GRID2: variants seen among roughly 807,000 people sequenced by gnomAD.
The protein encoded by GRID2 is glutamate receptor ionotropic, delta-2.
GRID2 carries 33 observed loss-of-function variants against 114.8 expected under a neutral mutation model. The observed-to-expected ratio is 0.29, with a 90% CI of 0.22 to 0.38. The LOEUF (loss-of-function observed/expected upper bound fraction) is 0.38, where lower values mean the gene tolerates loss of function less well. Ranked by LOEUF, GRID2 falls within the 10% of genes least tolerant of loss-of-function variation. The pLI is 1.00. For synonymous variants in GRID2, 505 were observed against 449.9 expected, an observed-to-expected ratio of 1.12 and a Z score of -1.55; for missense variants, 1,184 against 1,257.7, an observed-to-expected ratio of 0.94 and a Z score of 0.89.
chr4:92,407,362 T>G (rs1731080410), intron 1 of GRID2, among the ~76,000 whole-genome samples: 1 of 152,206 alleles, frequency 6.6e-6, no homozygotes, highest in African/African-American at 2.4e-5. Flanking sequence ...TTCCATGTCC[T>G]TGCTATTGTG....
At position 93,125,202 on chromosome 4, in the gene GRID2, A is replaced by C. The variant is rs1485948672; in HGVS notation, c.735+14249A>C. 3.9e-5 allele frequency among the ~76,000 whole-genome samples: 6 copies of C among 151,954 alleles called. No individual in the cohort carries two copies. The East Asian group carries it at 1.2e-3, about 29-fold the overall frequency. On this transcript the variant is annotated intron_variant, in intron 4 of 15. Coordinates refer to ENST00000282020, the MANE Select transcript of GRID2 (RefSeq NM_001510.4). Reference sequence around the variant, plus strand: ...CCTGAAATCATATTTCACTTTTTTCATATGTCTTTTTTAGTAAGCTATCTG... The same window carrying C: ...CCTGAAATCATATTTCACTTTTTTCCTATGTCTTTTTTAGTAAGCTATCTG...
At chr4:93,575,100 T>G (rs564672416) in intron 13 of GRID2, among the ~76,000 whole-genome samples, 1 of 152,284 alleles carries the variant, frequency 6.6e-6, no homozygotes, top group South Asian at 2.1e-4. Flanking sequence ...AACTCAAGTC[T>G]TACCTTGTAT....
chr4:93,468,995 T>G (rs1336172258), intron 11 of GRID2, among the ~76,000 whole-genome samples: 1 of 152,114 alleles, frequency 6.6e-6, no homozygotes, highest in African/African-American at 2.4e-5. Flanking sequence ...AAACTTTAAC[T>G]CCAAGATCTA....
chr4:93,369,465 G>A (rs1368863867), intron 8 of GRID2, among the ~76,000 whole-genome samples: 2 of 152,236 alleles, frequency 1.3e-5, no homozygotes, highest in East Asian at 1.9e-4. Context: ...TACTACAAAA[G>A]CATTTTCTAA....
At chr4:92,313,929 G>C (rs987108982) in intron 1 of GRID2, among the ~76,000 whole-genome samples, 1 of 151,958 alleles carries the variant, frequency 6.6e-6, no homozygotes, top group African/African-American at 2.4e-5. Context: ...TTAAGGGAAG[G>C]ATTTCCTTTT....
chr4:92,805,639 A>C (rs557700451), intron 2 of GRID2, among the ~76,000 whole-genome samples: 1 of 152,080 alleles, frequency 6.6e-6, no homozygotes, highest in Non-Finnish European at 1.5e-5. Flanking sequence ...CGGTGTTTAA[A>C]GGAAGATGAT....
At chr4:93,300,552 T>C (rs1754755277) in intron 8 of GRID2, among the ~76,000 whole-genome samples, 1 of 152,146 alleles carries the variant, frequency 6.6e-6, no homozygotes, top group East Asian at 1.9e-4. Flanking sequence ...AGTACAAATA[T>C]CAACATAGTG....
At chr4:92,624,417 A>T (rs1346315190) in intron 2 of GRID2, among the ~76,000 whole-genome samples, 2 of 151,860 alleles carry the variant, frequency 1.3e-5, no homozygotes, top group Non-Finnish European at 2.9e-5. Context: ...ACAAAATAGT[A>T]TAAGATTCTG....
intron 8 of GRID2, among the ~76,000 whole-genome samples, chr4:93,334,335 G>A (rs1758807650): frequency 6.6e-6 from 1 of 152,034 alleles, no homozygotes; most frequent in Admixed American, 6.6e-5. Flanking sequence ...CCTCCCTAGA[G>A]ATGAACCCTA....
chr4:92,870,758 G>C (rs1745217348), intron 2 of GRID2, among the ~76,000 whole-genome samples: 1 of 152,106 alleles, frequency 6.6e-6, no homozygotes, highest in Admixed American at 6.6e-5. Flanking sequence ...GCACTACCAA[G>C]GGGCAGGGGA....
At chr4:92,319,280 A>G (rs758670303) in intron 1 of GRID2, among the ~76,000 whole-genome samples, 4 of 152,160 alleles carry the variant, frequency 2.6e-5, no homozygotes, top group African/African-American at 4.8e-5. Context: ...TGATATTTTA[A>G]TATTATGTGT....
chr4:93,356,796 T>C (rs1761378855), intron 8 of GRID2, among the ~76,000 whole-genome samples: 1 of 151,920 alleles, frequency 6.6e-6, no homozygotes, highest in Admixed American at 6.6e-5. Context: ...GCTATCTTGT[T>C]CATATTTTTG....
At chr4:92,993,646 G>C (rs1467759176) in intron 2 of GRID2, among the ~76,000 whole-genome samples, 1 of 152,146 alleles carries the variant, frequency 6.6e-6, no homozygotes, top group African/African-American at 2.4e-5. Flanking sequence ...AGGTGTTTAA[G>C]AAAATGACTG....
At chr4:92,725,933 A>C (rs1736048501) in intron 2 of GRID2, among the ~76,000 whole-genome samples, 1 of 152,144 alleles carries the variant, frequency 6.6e-6, no homozygotes, top group African/African-American at 2.4e-5. Flanking sequence ...AAAATGAAGA[A>C]TAAATTGTAA....
chr4:92,408,587 A>G (rs1389017674), intron 1 of GRID2, among the ~76,000 whole-genome samples: 1 of 151,144 alleles, frequency 6.6e-6, no homozygotes, highest in Non-Finnish European at 1.5e-5. Flanking sequence ...CATTTTAACT[A>G]TACTGATTCT....
chr4:92,956,771 G>T (rs2149144228), intron 2 of GRID2, among the ~76,000 whole-genome samples: 1 of 152,208 alleles, frequency 6.6e-6, no homozygotes. Context: ...CATTCCCAGT[G>T]GTAATGAATG....
At chr4:92,957,814 C>CT (rs1164038286) in intron 2 of GRID2, among the ~76,000 whole-genome samples, 1 of 151,762 alleles carries the variant, frequency 6.6e-6, no homozygotes, top group Admixed American at 6.6e-5. Flanking sequence ...TTATTCAGTC[C>CT]TTTTTATATC....
Position 92,570,789 on chromosome 4 carries a change from A to T in GRID2, c.89-19342A>T, listed in dbSNP as rs997014557. On this transcript the variant is annotated intron_variant, in intron 1 of 15. Coordinates refer to ENST00000282020, the MANE Select transcript of GRID2 (RefSeq NM_001510.4). ...ATATAGGAATGCTACTGGTTTTTAC[A>T]TATTTATTTTTATCTTGAGACTTTG... Among the ~76,000 whole-genome samples, 3 of 152,020 alleles carry T rather than the reference A, an allele frequency of 2.0e-5. No homozygotes were observed. The South Asian group carries it at 6.2e-4, about 32-fold the overall frequency.
intron 2 of GRID2, among the ~76,000 whole-genome samples, chr4:92,902,506 A>T (rs1747649564): frequency 6.6e-6 from 1 of 151,822 alleles, no homozygotes; most frequent in African/African-American, 2.4e-5. Flanking sequence ...TTTAAGTTCC[A>T]TTTGTCTTGT....
Sources: allele counts gnomAD v4.1 joint callset (sites outside exome capture counted in the v4.1 genomes callset), GRCh38; gene constraint gnomAD v4.1.1; transcripts MANE v1.5; gene names NCBI Gene and HGNC (gene_info 2026-07-23, HGNC 2026-07-21).